Variants in BICC1 observed in about 807,000 individuals in gnomAD.
The protein encoded by BICC1 is BicC family RNA binding protein 1, also known as protein bicaudal C homolog 1.
BICC1 carries 43 observed loss-of-function variants against 111.0 expected under a neutral mutation model. That is an observed-to-expected ratio of 0.39 (90% CI 0.30 to 0.50). The LOEUF (loss-of-function observed/expected upper bound fraction) is 0.50, where lower values mean the gene tolerates loss of function less well. Ranked by LOEUF, BICC1 falls within the 20% of genes least tolerant of loss-of-function variation. The probability of loss-of-function intolerance (pLI) is 0.88; values close to 1 mark genes in which losing one functional copy is unlikely to be tolerated. For missense variants in BICC1, 1,091 were observed against 1,203.2 expected (o/e 0.91, Z 1.38); for synonymous variants, 467 against 434.4 (o/e 1.07, Z -0.93).
chr10:58,760,364 T>C (rs771297267), intron 3 of BICC1, among the ~76,000 whole-genome samples: 14 of 152,326 alleles, frequency 9.2e-5, no homozygotes, highest in African/African-American at 3.4e-4. Context: ...AGCATTCATA[T>C]ATTACGCCTC....
At chr10:58,817,017 A>G (rs1336567876) in intron 18 of BICC1, among the ~76,000 whole-genome samples, 1 of 152,024 alleles carries the variant, frequency 6.6e-6, no homozygotes, top group Non-Finnish European at 1.5e-5. Flanking sequence ...ATACATTACT[A>G]TTAATCTTGG....
intron 3 of BICC1, among the ~76,000 whole-genome samples, chr10:58,775,154 C>G (rs777013785): frequency 6.6e-6 from 1 of 152,114 alleles, no homozygotes; most frequent in Non-Finnish European, 1.5e-5. Flanking sequence ...GGGAGGATCA[C>G]TTAAGGCCAG....
At chr10:58,567,579 A>G (rs1342380314) in intron 1 of BICC1, among the ~76,000 whole-genome samples, 2 of 151,752 alleles carry the variant, frequency 1.3e-5, no homozygotes, top group South Asian at 4.2e-4. Context: ...AAAATTATAT[A>G]TAAAATATAT....
At chr10:58,814,855 A>C (rs967113289) in intron 18 of BICC1, among the ~76,000 whole-genome samples, 2 of 152,128 alleles carry the variant, frequency 1.3e-5, no homozygotes, top group South Asian at 4.1e-4. Context: ...CATTGAAGAA[A>C]GACTGTCCAG....
At chr10:58,565,059 TCACA>T (rs2131961444) in intron 1 of BICC1, among the ~76,000 whole-genome samples, 2 of 140,582 alleles carry the variant, frequency 1.4e-5, no homozygotes, top group South Asian at 5.0e-4. Context: ...TTCCAACACT[TCACA>T]CTCACTGATT....
At chr10:58,525,923 A>T (rs915711686) in intron 1 of BICC1, among the ~76,000 whole-genome samples, 7 of 151,296 alleles carry the variant, frequency 4.6e-5, no homozygotes, top group African/African-American at 1.5e-4. Flanking sequence ...TGGTTGAATA[A>T]TAGTACATTT....
intron 3 of BICC1, among the ~76,000 whole-genome samples, chr10:58,719,697 T>C (rs1258407034): frequency 1.3e-5 from 2 of 152,242 alleles, no homozygotes; most frequent in African/African-American, 4.8e-5. Context: ...GTATGTCTTA[T>C]TCCTTTCCAT....
At chr10:58,773,227 G>T (rs141896461) in intron 3 of BICC1, among the ~76,000 whole-genome samples, 27 of 152,268 alleles carry the variant, frequency 1.8e-4, no homozygotes, top group African/African-American at 6.5e-4. Context: ...CCTATCTAAC[G>T]TATGGAGTTG....
intron 2 of BICC1, among the ~76,000 whole-genome samples, chr10:58,659,947 G>T (rs1416132351): frequency 6.6e-6 from 1 of 152,120 alleles, no homozygotes; most frequent in Non-Finnish European, 1.5e-5. Context: ...TATTGTGCTG[G>T]CATGGAGGTA....
intron 1 of BICC1, among the ~76,000 whole-genome samples, chr10:58,617,887 G>A (rs189115999): frequency 2.3e-3 from 352 of 152,366 alleles, no homozygotes; most frequent in Admixed American, 5.4e-3. Flanking sequence ...TAAAGGCAGG[G>A]AAATAAAAGC....
intron 2 of BICC1, among the ~76,000 whole-genome samples, chr10:58,632,113 A>G (rs1301715704): frequency 6.6e-6 from 1 of 152,192 alleles, no homozygotes; most frequent in East Asian, 1.9e-4. Flanking sequence ...TCATTTGAAT[A>G]TCACTTTGTT....
At chr10:58,602,205 G>A (rs1405748160) in intron 1 of BICC1, among the ~76,000 whole-genome samples, 1 of 152,126 alleles carries the variant, frequency 6.6e-6, no homozygotes, top group Non-Finnish European at 1.5e-5. Context: ...GGACCACTAT[G>A]CAACTGTAGC....
At chr10:58,769,402 G>GTATATATATATATATATATATATATA (rs879547814) in intron 3 of BICC1, among the ~76,000 whole-genome samples, 18 of 112,226 alleles carry the variant, frequency 1.6e-4, no homozygotes, top group Admixed American at 5.3e-4. Flanking sequence ...GTGTGTGTGT[G>GTATATATATATATATATATATATATA]TGTATATATA....
At chr10:58,748,895 G>A (rs2132635347) in intron 3 of BICC1, among the ~76,000 whole-genome samples, 1 of 152,244 alleles carries the variant, frequency 6.6e-6, no homozygotes, top group African/African-American at 2.4e-5. Context: ...CTCCATCATT[G>A]TGGAGGTCCT....
At chr10:58,681,059 C>T (rs1312266105) in intron 2 of BICC1, among the ~76,000 whole-genome samples, 1 of 152,146 alleles carries the variant, frequency 6.6e-6, no homozygotes, top group Non-Finnish European at 1.5e-5. Flanking sequence ...AGACCTAAAG[C>T]CATAGAAAGC....
chr10:58,684,826 C>T (rs890235762), intron 2 of BICC1, among the ~76,000 whole-genome samples: 5 of 152,186 alleles, frequency 3.3e-5, no homozygotes, highest in Admixed American at 1.3e-4. Flanking sequence ...AAACCAGCTC[C>T]TGAATTCATT....
At chr10:58,826,882 C>T (rs1844415121) in intron 20 of BICC1, among the ~76,000 whole-genome samples, 1 of 152,198 alleles carries the variant, frequency 6.6e-6, no homozygotes, top group Non-Finnish European at 1.5e-5. Flanking sequence ...TAAAGCTGCC[C>T]ACCCTTGAGC....
chr10:58,608,593 A>T (rs1296206338), intron 1 of BICC1, among the ~76,000 whole-genome samples: 1 of 152,190 alleles, frequency 6.6e-6, no homozygotes, highest in Non-Finnish European at 1.5e-5. Context: ...ACTCTTCTGT[A>T]ATGTTTTAGT....
At chr10:58,759,686 G>A (rs924888559) in intron 3 of BICC1, among the ~76,000 whole-genome samples, 5 of 152,100 alleles carry the variant, frequency 3.3e-5, no homozygotes, top group African/African-American at 4.8e-5. Context: ...CAGGCCTGGC[G>A]CGGTGGCTCA....
Sources: gnomAD v4.1 joint callset for allele counts (sites outside exome capture counted in the v4.1 genomes callset) on GRCh38, gnomAD v4.1.1 for gene constraint, MANE v1.5 for transcripts, NCBI Gene and HGNC (gene_info 2026-07-23, HGNC 2026-07-21) for gene names.